USP32: variants seen among roughly 807,000 people sequenced by gnomAD.
The protein encoded by USP32 is ubiquitin specific peptidase 32.
In USP32, 59 loss-of-function variants were observed where a neutral mutation model predicts 204.8. The ratio of observed to expected loss-of-function variants is 0.29; its 90% confidence interval spans 0.23 to 0.36. USP32 has a LOEUF of 0.36. Ranked by LOEUF, USP32 falls within the 10% of genes least tolerant of loss-of-function variation. The pLI is 1.00. For synonymous variants in USP32, 517 were observed against 678.4 expected, an observed-to-expected ratio of 0.76 and a Z score of 3.70; for missense variants, 1,160 against 1,946.4, an observed-to-expected ratio of 0.60 and a Z score of 7.60.
chr17:60,413,682 T>C (rs184444381), intron 1 of USP32, among the ~76,000 whole-genome samples: 52 of 151,210 alleles, frequency 3.4e-4, no homozygotes, highest in Non-Finnish European at 5.3e-4. Flanking sequence ...TGGCCAACAA[T>C]AGTGAAACCC....
At chr17:60,253,911 A>G (rs2086231150) in intron 10 of USP32, among the ~76,000 whole-genome samples, 1 of 152,240 alleles carries the variant, frequency 6.6e-6, no homozygotes, top group Non-Finnish European at 1.5e-5. Flanking sequence ...TGAAAATTAT[A>G]ACTTGTAATA....
chr17:60,349,640 ATATT>A (rs1207490094), intron 1 of USP32, among the ~76,000 whole-genome samples: 4 of 109,774 alleles, frequency 3.6e-5, no homozygotes, highest in African/African-American at 1.1e-4. Context: ...ATATATATAT[ATATT>A]ATATATATAC....
chr17:60,307,466 C>G (rs1323961893), intron 2 of USP32, among the ~76,000 whole-genome samples: 1 of 152,120 alleles, frequency 6.6e-6, no homozygotes, highest in Non-Finnish European at 1.5e-5. Context: ...CAATCCCTAT[C>G]AAAATATCAA....
intron 16 of USP32, chr17:60,219,438 A>G: frequency 4.3e-6 from 2 of 459,956 alleles, no homozygotes; most frequent in South Asian, 2.8e-5. Context: ...TCAACCCCTC[A>G]TCTAGTCTTG....
chr17:60,301,734 G>A, intron 2 of USP32, 30 bp from the exon 3 acceptor site: 1 of 1,491,648 alleles, frequency 6.7e-7, no homozygotes, highest in African/African-American at 1.4e-5. Context: ...CCAACCTTAG[G>A]AGGCATTTCA....
rs923898606 is a variant in USP32 at position 60,206,475 on chromosome 17, G to C, written c.3037+546C>G. Among the ~76,000 whole-genome samples the C allele has an allele frequency of 6.7e-5, 10 of 148,704 alleles. No individual in the cohort carries two copies. The South Asian group carries it at 1.9e-3, about 28-fold the overall frequency. On this transcript the variant is annotated intron_variant, in intron 25 of 33. Transcript: ENST00000300896. The stretch of plus-strand genomic sequence containing the variant: ...CCACTGCAGAATTCTATTGGACAGT[G>C]ATGCTCTAAACTAAAACTAAAATTA...
chr17:60,316,117 CT>C, intron 2 of USP32: 6 of 247,716 alleles, frequency 2.4e-5, no homozygotes, highest in East Asian at 1.4e-4. Flanking sequence ...GATGGTTGGC[CT>C]TTTTGAAGAC....
intron 30 of USP32, among the ~76,000 whole-genome samples, chr17:60,184,024 C>T (rs979209855): frequency 1.8e-4 from 27 of 152,084 alleles, no homozygotes; most frequent in Admixed American, 7.9e-4. Flanking sequence ...CAGTGGCTCA[C>T]GCCTATAAAC....
intron 15 of USP32, among the ~76,000 whole-genome samples, chr17:60,221,845 T>G (rs56715235): frequency 0.067 from 10,170 of 152,240 alleles, 1,203 homozygotes; most frequent in African/African-American, 0.23. Flanking sequence ...ATATTTTACT[T>G]CATCAACAAT....
At chr17:60,330,465 CTTCT>C (rs1014804436) in intron 2 of USP32, among the ~76,000 whole-genome samples, 26 of 151,230 alleles carry the variant, frequency 1.7e-4, no homozygotes, top group African/African-American at 5.1e-4. Context: ...TCCTTCCTTC[CTTCT>C]TTCTTTTCTT....
intron 2 of USP32, among the ~76,000 whole-genome samples, chr17:60,321,376 C>T (rs767237764): frequency 6.6e-6 from 1 of 152,140 alleles, no homozygotes; most frequent in Admixed American, 6.5e-5. Context: ...TGCCCTGAGC[C>T]CATCATTATC....
chr17:60,285,828 T>C (rs1161593212), intron 5 of USP32, among the ~76,000 whole-genome samples: 1 of 151,890 alleles, frequency 6.6e-6, no homozygotes, highest in African/African-American at 2.4e-5. Flanking sequence ...GGCATTTTAG[T>C]GATAGAAAGA....
At chr17:60,422,407 T>G in exon 1 of USP32, 3 of 1,437,546 alleles carry the variant, frequency 2.1e-6, no homozygotes, top group Non-Finnish European at 2.8e-6. Flanking sequence ...CAGCCACCCC[T>G]AAGAATGAGG....
chr17:60,255,026 C>T, intron 10 of USP32, 149 bp downstream of exon 10: 1 of 553,480 alleles, frequency 1.8e-6, no homozygotes, highest in East Asian at 3.0e-5. Flanking sequence ...AAGCACCCAT[C>T]TTTCAGACGA....
intron 1 of USP32, among the ~76,000 whole-genome samples, chr17:60,416,843 C>T (rs7221641): frequency 0.16 from 24,580 of 151,686 alleles, 4,484 homozygotes; most frequent in African/African-American, 0.45. Flanking sequence ...CTGAATTGAA[C>T]TGGGGATATA....
intron 1 of USP32, among the ~76,000 whole-genome samples, chr17:60,361,864 G>A (rs1237370478): frequency 2.6e-5 from 4 of 151,428 alleles, no homozygotes; most frequent in Non-Finnish European, 4.4e-5. Flanking sequence ...AAAGATACAT[G>A]TATATATATA....
intron 1 of USP32, among the ~76,000 whole-genome samples, chr17:60,419,817 AATTATTATTATTATTATTATTATTATT>A (rs113546748): frequency 4.8e-4 from 66 of 138,662 alleles, no homozygotes; most frequent in African/African-American, 1.7e-3. Context: ...GGTTAAAAAA[AATTATTATTATTATTATTATTATTATT>A]ATTATTATTA....
chr17:60,206,891 A>G, intron 25 of USP32, 130 bp downstream of exon 25: 1 of 1,430,194 alleles, frequency 7.0e-7, no homozygotes, highest in African/African-American at 1.5e-5. Flanking sequence ...AATAATCAGT[A>G]AGGTTTCCCT....
chr17:60,415,761 T>C (rs2090056045), intron 1 of USP32, among the ~76,000 whole-genome samples: 2 of 152,192 alleles, frequency 1.3e-5, no homozygotes, highest in South Asian at 4.1e-4. Context: ...CTTTATACAA[T>C]TCTAATTGGA....
Sources: gnomAD v4.1 joint callset for allele counts (sites outside exome capture counted in the v4.1 genomes callset) on GRCh38, gnomAD v4.1.1 for gene constraint, MANE v1.5 for transcripts, NCBI Gene and HGNC (gene_info 2026-07-23, HGNC 2026-07-21) for gene names.